MPPED2: variants seen among roughly 807,000 people sequenced by gnomAD.
The protein encoded by MPPED2 is metallophosphoesterase domain containing 2.
A neutral mutation model predicts 33.0 loss-of-function variants in MPPED2; 5 were observed. The ratio of observed to expected loss-of-function variants is 0.15; its 90% CI spans 0.08 to 0.32. The LOEUF (loss-of-function observed/expected upper bound fraction) is 0.32, where lower values mean the gene tolerates loss of function less well. Ranked by LOEUF, MPPED2 falls within the 10% of genes least tolerant of loss-of-function variation. The pLI is 1.00. For missense variants in MPPED2, 275 were observed against 372.1 expected (o/e 0.74, Z 2.15); for synonymous variants, 136 against 141.9 (o/e 0.96, Z 0.29).
At position 30,580,435 on chromosome 11, in the gene MPPED2, T is replaced by A. The variant is rs1957113149; in HGVS notation, c.-62A>T. 3 of 1,596,192 alleles carry A rather than the reference T, an allele frequency of 1.9e-6. No individual in the cohort carries two copies. Among genetic ancestry groups the A allele is most frequent in the Non-Finnish European group, 2.6e-6 (3 of 1,168,864 alleles). ...ACAGAGCAAAAGATGGAAGCAGGCA[T>A]GGTGCGTTTCAGCCAACCTCTGAAT... On this transcript the variant is annotated 5_prime_UTR_variant, in exon 2 of 7. The change abolishes an upstream ATG in the 5' untranslated region. Coordinates refer to ENST00000358117, the MANE Select transcript of MPPED2 (RefSeq NM_001584.3).
At chr11:30,527,802 CT>C (rs749768332) in intron 3 of MPPED2, among the ~76,000 whole-genome samples, 66 of 152,190 alleles carry the variant, frequency 4.3e-4, no homozygotes, top group Non-Finnish European at 8.8e-5. Flanking sequence ...TCCCCTCCCC[CT>C]GTCTCTCCAA....
intron 4 of MPPED2, among the ~76,000 whole-genome samples, chr11:30,455,557 G>A (rs1950245347): frequency 1.3e-5 from 2 of 152,264 alleles, no homozygotes; most frequent in Middle Eastern, 3.4e-3. Context: ...AAAAGAAAAA[G>A]CTAAGTATAT....
At chr11:30,492,202 T>C (rs1952014841) in intron 4 of MPPED2, among the ~76,000 whole-genome samples, 1 of 151,764 alleles carries the variant, frequency 6.6e-6, no homozygotes, top group Non-Finnish European at 1.5e-5. Context: ...TCTGAATTAG[T>C]CTGTTTGTTC....
In MPPED2 at chr11:30,586,326, G is replaced by C. The variant is rs1436418337; in HGVS notation, c.-406C>G. ...CGAGGAGAGGGAGCGAGGGCGCGGC[G>C]AGCCGGAGGGAGAGCGAGCGGTGCA... On this transcript the variant is annotated 5_prime_UTR_variant, in exon 1 of 7. Transcript: ENST00000358117. This position sits in a 1 kb window ranked among gnomAD's most constrained non-coding sequence, Gnocchi z 4.8. 6.5e-6 allele frequency: 1 copy of C among 153,534 alleles called. No homozygotes were observed. The highest frequency in any genetic ancestry group is 2.4e-5 in the African/African-American group (1 of 41,410). The allele number at this position is 153,534 out of a possible 1,614,324, so 9.5% of individuals were successfully genotyped here.
At chr11:30,393,753 C>A (rs1160362676) in intron 6 of MPPED2, among the ~76,000 whole-genome samples, 1 of 152,178 alleles carries the variant, frequency 6.6e-6, no homozygotes, top group Non-Finnish European at 1.5e-5. Context: ...AGAATGGCTT[C>A]TTGCTGGGAT....
At chr11:30,534,561 A>C (rs1954707954) in intron 3 of MPPED2, among the ~76,000 whole-genome samples, 1 of 152,178 alleles carries the variant, frequency 6.6e-6, no homozygotes, top group Non-Finnish European at 1.5e-5. Flanking sequence ...ACAAAATATA[A>C]ATGCTCCAAC....
intron 4 of MPPED2, among the ~76,000 whole-genome samples, chr11:30,456,337 T>C (rs1950276912): frequency 6.6e-6 from 1 of 152,148 alleles, no homozygotes; most frequent in Non-Finnish European, 1.5e-5. Context: ...CCTTAACTGA[T>C]GAATGGTTCA....
intron 2 of MPPED2, among the ~76,000 whole-genome samples, chr11:30,549,133 C>T (rs1306164959): frequency 6.6e-6 from 1 of 152,186 alleles, no homozygotes; most frequent in East Asian, 1.9e-4. Context: ...ACAGTTAGCT[C>T]CCATTCAGTG....
chr11:30,494,722 A>G (rs1256294070), intron 4 of MPPED2, among the ~76,000 whole-genome samples: 2 of 135,160 alleles, frequency 1.5e-5, no homozygotes, highest in Admixed American at 7.5e-5. Context: ...TGGGCAACAG[A>G]GAGATACTCC....
chr11:30,513,273 T>A (rs577741054), intron 3 of MPPED2, among the ~76,000 whole-genome samples: 1 of 152,222 alleles, frequency 6.6e-6, no homozygotes, highest in Admixed American at 6.5e-5. Flanking sequence ...TAAAGGGAAA[T>A]GAGCTCAAAA....
chr11:30,435,564 G>C (rs1243937353), intron 4 of MPPED2, among the ~76,000 whole-genome samples: 1 of 152,192 alleles, frequency 6.6e-6, no homozygotes, highest in Non-Finnish European at 1.5e-5. Flanking sequence ...AGAGAAAACT[G>C]TGTTTCAAAA....
intron 3 of MPPED2, among the ~76,000 whole-genome samples, chr11:30,507,777 C>T (rs1342600937): frequency 1.3e-5 from 2 of 152,148 alleles, no homozygotes; most frequent in African/African-American, 4.8e-5. Context: ...CACTGGAACA[C>T]ATTTCCAATA....
intron 4 of MPPED2, among the ~76,000 whole-genome samples, chr11:30,488,979 C>G (rs1366350866): frequency 6.6e-6 from 1 of 151,872 alleles, no homozygotes. Context: ...TAGTCTCATT[C>G]TTTAGTGCCA....
At chr11:30,407,581 C>G (rs926324748), downstream of MPPED2, among the ~76,000 whole-genome samples, 15 of 152,154 alleles carry the variant, frequency 9.9e-5, no homozygotes, top group Non-Finnish European at 1.2e-4. Context: ...AGACAGAACC[C>G]TGACTGAAGG....
chr11:30,396,378 A>G (rs1203496193), intron 6 of MPPED2, among the ~76,000 whole-genome samples: 1 of 152,076 alleles, frequency 6.6e-6, no homozygotes, highest in African/African-American at 2.4e-5. Flanking sequence ...TTTTTCTTAA[A>G]TTTCTTACCC....
chr11:30,392,459 C>G (rs1414550226), intron 6 of MPPED2, among the ~76,000 whole-genome samples: 1 of 152,186 alleles, frequency 6.6e-6, no homozygotes, highest in South Asian at 2.1e-4. Flanking sequence ...CAGCAACAAA[C>G]TTGTCTGAAA....
intron 4 of MPPED2, among the ~76,000 whole-genome samples, chr11:30,444,488 A>G (rs1040846901): frequency 6.6e-6 from 1 of 151,368 alleles, no homozygotes; most frequent in African/African-American, 2.4e-5. Context: ...ACATTTTTCC[A>G]AGATGACCTA....
At position 30,580,414 on chromosome 11, in the gene MPPED2, A is replaced by G. The variant is rs779614735; in HGVS notation, c.-41T>C. ...GCATGAGCAATTCACAACTTTACAG[A>G]GCAAAAGATGGAAGCAGGCATGGTG... On this transcript the variant is annotated 5_prime_UTR_variant, in exon 2 of 7. Coordinates refer to ENST00000358117, the MANE Select transcript of MPPED2 (RefSeq NM_001584.3). 5.6e-6 allele frequency: 9 copies of G among 1,608,762 alleles called. No individual in the cohort carries two copies. The highest frequency in any genetic ancestry group is 6.8e-6 in the Non-Finnish European group (8 of 1,176,422).
intron 4 of MPPED2, among the ~76,000 whole-genome samples, chr11:30,425,986 A>G (rs529445210): frequency 6.6e-6 from 1 of 152,330 alleles, no homozygotes; most frequent in Admixed American, 6.5e-5. Context: ...CATAACACAA[A>G]ATTTACCATT....
Sources: gnomAD v4.1 joint callset for allele counts (sites outside exome capture counted in the v4.1 genomes callset) on GRCh38, gnomAD v4.1.1 for gene constraint, Gnocchi (gnomAD v3.1) non-coding constraint, MANE v1.5 for transcripts, NCBI Gene and HGNC (gene_info 2026-07-23, HGNC 2026-07-21) for gene names.